ZNF429: variants seen among roughly 807,000 people sequenced by gnomAD.
ZNF429 encodes the protein zinc finger protein 429.
Under a neutral mutation model 56.8 loss-of-function variants are expected in ZNF429, and 53 were observed. That is an observed-to-expected ratio of 0.93 (90% CI 0.75 to 1.17). The LOEUF (loss-of-function observed/expected upper bound fraction) is 1.17, where lower values mean the gene tolerates loss of function less well. ZNF429 is among the 50% of genes most tolerant of loss of function. The probability of loss-of-function intolerance (pLI) is 0.00; values close to 1 mark genes in which losing one functional copy is unlikely to be tolerated. For synonymous variants in ZNF429, 278 were observed against 264.7 expected (o/e 1.05, Z -0.49); for missense variants, 849 against 788.4 (o/e 1.08, Z -0.92).
At chr19:21,530,306 T>C in intron 2 of ZNF429, among the ~76,000 whole-genome samples, 1 of 152,194 alleles carries the variant, frequency 6.6e-6, no homozygotes, top group East Asian at 1.9e-4. Context: ...TATGTACTCT[T>C]GATTAGTGAT....
chr19:21,530,588 G>A lies in ZNF429; in HGVS notation c.131-1G>A, dbSNP rs762826696. 1 of 1,591,118 alleles carries A rather than the reference G, an allele frequency of 6.3e-7. No individual in the cohort carries two copies. Among genetic ancestry groups the A allele is most frequent in the South Asian group, 1.1e-5 (1 of 86,976 alleles). On this transcript the variant is annotated splice_acceptor_variant, in intron 2 of 3. Transcript: ENST00000358491. LOFTEE classifies it high-confidence loss of function. ...CATCTTCTTTATTTTTAATAAAACA[G>A]GTATTGCTGTTTCTAAGCCAGACCT...
At chr19:21,529,870 C>A in intron 2 of ZNF429, 86 bp downstream of exon 2, 1 of 1,018,508 alleles carries the variant, frequency 9.8e-7, no homozygotes, top group Non-Finnish European at 1.4e-6. Flanking sequence ...GTAATTTATG[C>A]TTTGCATAAA....
In ZNF429 at chr19:21,540,159, TTTTA is replaced by T. The variant is rs1439626456; in HGVS notation, c.*2085_*2088del. Reference sequence around the variant, plus strand: ...ATTTTTAAATTATATGTAAATTTGATTTTATTTGTTACCATGTTAAGACTATTGT... The same window carrying T: ...ATTTTTAAATTATATGTAAATTTGATTTTGTTACCATGTTAAGACTATTGT... On this transcript the variant is annotated 3_prime_UTR_variant, in exon 4 of 4. Coordinates refer to ENST00000358491, the MANE Select transcript of ZNF429 (RefSeq NM_001001415.4). 6.6e-6 allele frequency among the ~76,000 whole-genome samples: 1 copy of T among 152,188 alleles called. No individual in the cohort carries two copies. Among genetic ancestry groups the T allele is most frequent in the African/African-American group, 2.4e-5 (1 of 41,456 alleles).
chr19:21,510,615 G>A (rs1034108050), intron 1 of ZNF429, among the ~76,000 whole-genome samples: 2 of 151,570 alleles, frequency 1.3e-5, no homozygotes, highest in Non-Finnish European at 2.9e-5. Flanking sequence ...TCATTCTTGG[G>A]TGTTTCTCAC....
intron 1 of ZNF429, 142 bp downstream of exon 1, chr19:21,505,916 TC>T: frequency 1.1e-6 from 1 of 883,996 alleles, no homozygotes; most frequent in South Asian, 1.5e-5. Context: ...TCGGCTTCAG[TC>T]CCCTTCAGCC....
At chr19:21,527,393 C>G (rs1252037349) in intron 1 of ZNF429, among the ~76,000 whole-genome samples, 2 of 152,182 alleles carry the variant, frequency 1.3e-5, no homozygotes, top group African/African-American at 4.8e-5. Flanking sequence ...TCAACAGGTT[C>G]TGCATAGAAG....
At chr19:21,535,356 T>TC in intron 3 of ZNF429, among the ~76,000 whole-genome samples, 4 of 109,904 alleles carry the variant, frequency 3.6e-5, no homozygotes, top group Admixed American at 9.0e-5. Context: ...TTCCTTTCTT[T>TC]TCTTCTTTCT....
At chr19:21,508,243 G>GA (rs112400992) in intron 1 of ZNF429, among the ~76,000 whole-genome samples, 2,160 of 127,386 alleles carry the variant, frequency 0.017, 30 homozygotes, top group African/African-American at 0.039. Context: ...AACTCCATCT[G>GA]AAAAAAAAAA....
intron 3 of ZNF429, among the ~76,000 whole-genome samples, chr19:21,532,816 A>T: frequency 6.6e-6 from 1 of 151,480 alleles, no homozygotes; most frequent in African/African-American, 2.4e-5. Context: ...CTCCAACCTC[A>T]GCCTCCCAAG....
chr19:21,529,593 T>C, intron 1 of ZNF429, 65 bp from the exon 2 acceptor site: 2 of 1,353,740 alleles, frequency 1.5e-6, no homozygotes, highest in Non-Finnish European at 1.9e-6. Flanking sequence ...ATTCTACCCA[T>C]GGGCACTTGG....
intron 1 of ZNF429, chr19:21,507,508 T>A (rs550684333): frequency 6.6e-6 from 1 of 152,364 alleles, no homozygotes; most frequent in East Asian, 1.9e-4. Context: ...CTTTTCCTTT[T>A]ATCTTCCCTA....
At chr19:21,509,174 A>G (rs886691055) in intron 1 of ZNF429, among the ~76,000 whole-genome samples, 3 of 151,930 alleles carry the variant, frequency 2.0e-5, no homozygotes, top group Non-Finnish European at 4.4e-5. Context: ...GCGCCAGCCT[A>G]TTTTTGTATT....
At position 21,537,181 on chromosome 19, in the gene ZNF429, A is replaced by G. The variant is rs1568433753; in HGVS notation, c.1128A>G (p.Lys376=). 1.2e-6 allele frequency: 2 copies of G among 1,614,050 alleles called. No homozygotes were observed. Among genetic ancestry groups the G allele is most frequent in the South Asian group, 1.1e-5 (1 of 91,080 alleles). ...CCTACAAATGTGAAGAATGTGGCAA[A>G]GCTTTTAACCAGTCTTCAAGACTTA... The part of the protein sequence containing the change: ...EKPYKCEECG[K]AFNQSSRLTR... The change falls in exon 4 of 4, where the codon AAA becomes AAG. Residue 376 remains lysine, a synonymous_variant. Coordinates refer to ENST00000358491, the MANE Select transcript of ZNF429 (RefSeq NM_001001415.4).
chr19:21,511,525 C>T (rs1293452414), intron 1 of ZNF429, among the ~76,000 whole-genome samples: 9 of 151,762 alleles, frequency 5.9e-5, no homozygotes, highest in Admixed American at 2.6e-4. Context: ...GGATGGCAGC[C>T]GGGAAGAGGC....
chr19:21,530,701 A>C lies in ZNF429; in HGVS notation c.226+17A>C. The C allele has an allele frequency of 6.3e-6, 10 of 1,579,224 alleles. No individual in the cohort carries two copies. Among genetic ancestry groups the C allele is most frequent in the Non-Finnish European group, 8.7e-6 (10 of 1,155,120 alleles). Reference sequence around the variant, plus strand: ...AACCCCCAGGTAGGTGAGAGTGAACACAACAGACAACACAGATGAGAGGTC... The same window carrying C: ...AACCCCCAGGTAGGTGAGAGTGAACCCAACAGACAACACAGATGAGAGGTC... On this transcript the variant is annotated intron_variant, in intron 3 of 3. Coordinates refer to ENST00000358491, the MANE Select transcript of ZNF429 (RefSeq NM_001001415.4).
intron 1 of ZNF429, among the ~76,000 whole-genome samples, chr19:21,506,959 G>C (rs2032204144): frequency 6.6e-6 from 1 of 151,814 alleles, no homozygotes; most frequent in Non-Finnish European, 1.5e-5. Context: ...GTAGAGACGG[G>C]GTTTCTCCGT....
chr19:21,509,153 C>T (rs920270369), intron 1 of ZNF429, among the ~76,000 whole-genome samples: 1 of 151,902 alleles, frequency 6.6e-6, no homozygotes, highest in South Asian at 2.1e-4. Flanking sequence ...GAACTACAGG[C>T]GCACACTGTC....
chr19:21,520,172 T>A (rs2032938863), intron 1 of ZNF429, among the ~76,000 whole-genome samples: 1 of 152,134 alleles, frequency 6.6e-6, no homozygotes, highest in Admixed American at 6.6e-5. Context: ...ACCCATGGAT[T>A]TTTTTAGAAC....
chr19:21,506,033 T>G, intron 1 of ZNF429: 1 of 334,620 alleles, frequency 3.0e-6, no homozygotes, highest in Non-Finnish European at 5.9e-6. Flanking sequence ...GCACGCGCAA[T>G]TCCGCAGTCT....
Sources: allele counts gnomAD v4.1 joint callset (sites outside exome capture counted in the v4.1 genomes callset), GRCh38; gene constraint gnomAD v4.1.1; transcripts MANE v1.5; gene names NCBI Gene and HGNC (gene_info 2026-07-23, HGNC 2026-07-21).